The following PDS5A variants were observed in gnomAD, a reference collection of about 807,000 sequenced individuals.
PDS5A encodes the protein PDS5 cohesin associated factor A.
A neutral mutation model predicts 167.1 loss-of-function variants in PDS5A; 42 were observed. The observed-to-expected ratio is 0.25, with a 90% CI of 0.20 to 0.33. The LOEUF is 0.33. Ranked by LOEUF, PDS5A falls within the 10% of genes least tolerant of loss-of-function variation. PDS5A has a pLI of 1.00. For missense variants in PDS5A, 1,033 were observed against 1,605.9 expected, an observed-to-expected ratio of 0.64 and a Z score of 6.10; for synonymous variants, 553 against 554.6, an observed-to-expected ratio of 1.00 and a Z score of 0.04.
chr4:39,907,712 G>A (rs1399149683), intron 11 of PDS5A, among the ~76,000 whole-genome samples: 3 of 151,442 alleles, frequency 2.0e-5, no homozygotes, highest in South Asian at 2.1e-4. Flanking sequence ...TCAGCCTCCC[G>A]AGTAGCTGGG....
At chr4:39,838,625 A>G (rs1716658090) in intron 31 of PDS5A, among the ~76,000 whole-genome samples, 1 of 152,130 alleles carries the variant, frequency 6.6e-6, no homozygotes, top group African/African-American at 2.4e-5. Flanking sequence ...TGGGAGGCTG[A>G]GGTGGGAGGA....
chr4:39,973,256 A>G, intron 2 of PDS5A: 1 of 1,550,066 alleles, frequency 6.5e-7, no homozygotes, highest in Non-Finnish European at 8.9e-7. Flanking sequence ...GAGCATATGA[A>G]CATTTGCTTT....
At chr4:39,954,285 A>G (rs1578817112) in intron 2 of PDS5A, among the ~76,000 whole-genome samples, 1 of 151,950 alleles carries the variant, frequency 6.6e-6, no homozygotes, top group Non-Finnish European at 1.5e-5. Context: ...GCTTGAGCCC[A>G]GGAGTTTGAG....
rs1001115432 is a variant in PDS5A, at chr4:39,823,374, C to A, written c.*2111G>T. 2 of 152,184 alleles carry A rather than the reference C, an allele frequency of 1.3e-5. No individual in the cohort carries two copies. The highest frequency in any genetic ancestry group is 2.4e-5 in the African/African-American group (1 of 41,416). The allele number at this position is 152,184 out of a possible 1,614,324, so 9.4% of individuals were successfully genotyped here. On this transcript the variant is annotated 3_prime_UTR_variant, in exon 33 of 33. Coordinates refer to ENST00000303538, the MANE Select transcript of PDS5A (RefSeq NM_001100399.2). ...TACAAGGAGCAAATCCTTTTAACTTCTCTCCTGCAAAAATCTAAACAGGAA... is the reference window on the plus strand; with the variant it reads ...TACAAGGAGCAAATCCTTTTAACTTATCTCCTGCAAAAATCTAAACAGGAA...
intron 30 of PDS5A, 33 bp from the exon 31 acceptor site, chr4:39,842,089 T>G: frequency 7.5e-7 from 1 of 1,333,110 alleles, no homozygotes; most frequent in Non-Finnish European, 1.1e-6. Flanking sequence ...GACTTCATAT[T>G]TCCATGAAGA....
intron 2 of PDS5A, among the ~76,000 whole-genome samples, chr4:39,934,605 C>CTTT (rs955582839): frequency 9.2e-6 from 1 of 109,208 alleles, no homozygotes; most frequent in African/African-American, 3.3e-5. Context: ...CTTAGTATTT[C>CTTT]TTTTTTTTTC....
chr4:39,955,721 TGAG>T (rs1263854141), intron 2 of PDS5A, among the ~76,000 whole-genome samples: 1 of 152,016 alleles, frequency 6.6e-6, no homozygotes. Flanking sequence ...GGAGTGTTAC[TGAG>T]GAGTGAGTCC....
chr4:39,831,875 C>CAAAAAAAAAAAAAAAAAAAAAA (rs58913167), intron 32 of PDS5A, among the ~76,000 whole-genome samples: 4 of 25,936 alleles, frequency 1.5e-4, no homozygotes, highest in African/African-American at 1.5e-4. Context: ...AAACTCGTCT[C>CAAAAAAAAAAAAAAAAAAAAAA]AAAAAAAAAA....
intron 2 of PDS5A, among the ~76,000 whole-genome samples, chr4:39,954,036 A>C (rs754848286): frequency 1.2e-4 from 19 of 152,104 alleles, no homozygotes; most frequent in Non-Finnish European, 2.8e-4. Context: ...TACTAAGTGA[A>C]GGAAAAAGAA....
chr4:39,975,653 T>C (rs751424575), intron 2 of PDS5A, among the ~76,000 whole-genome samples: 1 of 152,174 alleles, frequency 6.6e-6, no homozygotes, highest in Admixed American at 6.6e-5. Flanking sequence ...TACTCCAATC[T>C]AGCACCAATT....
At chr4:39,845,276 C>T (rs1717492175) in intron 29 of PDS5A, among the ~76,000 whole-genome samples, 1 of 152,130 alleles carries the variant, frequency 6.6e-6, no homozygotes, top group African/African-American at 2.4e-5. Flanking sequence ...ATAAGCATAT[C>T]TCTACTTAAT....
chr4:39,879,467 T>C (rs1418868851), intron 18 of PDS5A, among the ~76,000 whole-genome samples: 1 of 152,128 alleles, frequency 6.6e-6, no homozygotes, highest in Non-Finnish European at 1.5e-5. Context: ...AAGTTAAGAA[T>C]AGATTGTACA....
chr4:39,870,564 G>A (rs999149637), intron 21 of PDS5A, among the ~76,000 whole-genome samples: 3 of 151,498 alleles, frequency 2.0e-5, no homozygotes, highest in African/African-American at 4.9e-5. Flanking sequence ...CCCCAGCCTG[G>A]GTGACAGAGT....
At chr4:39,962,895 G>A (rs1456146802) in intron 2 of PDS5A, among the ~76,000 whole-genome samples, 2 of 152,156 alleles carry the variant, frequency 1.3e-5, no homozygotes, top group Non-Finnish European at 2.9e-5. Flanking sequence ...CTGGGAAGTG[G>A]AGGTTGCAGT....
In PDS5A at chr4:39,825,339, A is replaced by G. The variant is rs1337328822; in HGVS notation, c.*146T>C. ...CTTGTGGTCATGTGAAAAGGAAGTA[A>G]TAGTCTCTTTAGTTTTCAAGGCAGA... On this transcript the variant is annotated 3_prime_UTR_variant, in exon 33 of 33. Transcript: ENST00000303538. 1.8e-6 allele frequency: 1 copy of G among 558,320 alleles called. No individual in the cohort carries two copies. The highest frequency in any genetic ancestry group is 3.4e-5 in the Admixed American group (1 of 29,136). 34.6% of individuals were successfully genotyped at this position (558,320 alleles called of 1,614,324 possible).
chr4:39,929,143 T>A (rs1725728467), intron 2 of PDS5A, among the ~76,000 whole-genome samples: 1 of 152,136 alleles, frequency 6.6e-6, no homozygotes, highest in African/African-American at 2.4e-5. Flanking sequence ...AAATCACAGT[T>A]TACTTAATCT....
At chr4:39,834,372 C>G (rs1198446504) in intron 32 of PDS5A, among the ~76,000 whole-genome samples, 3 of 152,068 alleles carry the variant, frequency 2.0e-5, no homozygotes, top group African/African-American at 7.2e-5. Context: ...TGGACAAAGT[C>G]AAAGCTTTAG....
intron 21 of PDS5A, among the ~76,000 whole-genome samples, chr4:39,871,872 T>A (rs1339493915): frequency 6.6e-6 from 1 of 151,370 alleles, no homozygotes; most frequent in Non-Finnish European, 1.5e-5. Flanking sequence ...CCCGGCTAAT[T>A]TTTTTGTATT....
At chr4:39,888,480 G>A (rs556824128) in intron 17 of PDS5A, among the ~76,000 whole-genome samples, 10 of 151,984 alleles carry the variant, frequency 6.6e-5, no homozygotes, top group African/African-American at 2.4e-4. Flanking sequence ...ATATATTGAA[G>A]AGATATCTGC....
Sources: gnomAD v4.1 joint callset for allele counts (sites outside exome capture counted in the v4.1 genomes callset) on GRCh38, gnomAD v4.1.1 for gene constraint, MANE v1.5 for transcripts, NCBI Gene and HGNC (gene_info 2026-07-23, HGNC 2026-07-21) for gene names.